The following DMXL2 variants were observed in gnomAD, a reference collection of about 807,000 sequenced individuals.
The protein encoded by DMXL2 is Dmx like 2.
Under a neutral mutation model 331.1 loss-of-function variants are expected in DMXL2, and 103 were observed. The ratio of observed to expected loss-of-function variants is 0.31; its 90% CI spans 0.27 to 0.37. The LOEUF is 0.37. Ranked by LOEUF, DMXL2 falls within the 10% of genes least tolerant of loss-of-function variation. The probability of loss-of-function intolerance (pLI) is 1.00; values close to 1 mark genes in which losing one functional copy is unlikely to be tolerated. For synonymous variants in DMXL2, 1,281 were observed against 1,252.1 expected, an observed-to-expected ratio of 1.02 and a Z score of -0.49; for missense variants, 3,171 against 3,642.9, an observed-to-expected ratio of 0.87 and a Z score of 3.33.
chr15:51,596,166 A>G (rs2052787133), intron 1 of DMXL2, among the ~76,000 whole-genome samples: 1 of 152,168 alleles, frequency 6.6e-6, no homozygotes, highest in South Asian at 2.1e-4. Flanking sequence ...TTCGCAAACT[A>G]CTCATCTGAC....
chr15:51,602,594 T>A (rs773334002), intron 1 of DMXL2, among the ~76,000 whole-genome samples: 2 of 152,126 alleles, frequency 1.3e-5, no homozygotes, highest in Non-Finnish European at 2.9e-5. Flanking sequence ...ACTCCCGGGC[T>A]CATCCCCAGG....
At chr15:51,612,667 G>A (rs1462724153) in intron 1 of DMXL2, among the ~76,000 whole-genome samples, 2 of 152,178 alleles carry the variant, frequency 1.3e-5, no homozygotes, top group Non-Finnish European at 2.9e-5. Flanking sequence ...ACAAATGGAG[G>A]CAGGGCAAGA....
At chr15:51,496,895 A>C (rs1363877637) in intron 18 of DMXL2, among the ~76,000 whole-genome samples, 1 of 152,218 alleles carries the variant, frequency 6.6e-6, no homozygotes, top group African/African-American at 2.4e-5. Context: ...TCTGAGCTTC[A>C]GTTTCCCACC....
chr15:51,540,409 G>A (rs1315159766), intron 9 of DMXL2, among the ~76,000 whole-genome samples: 1 of 152,064 alleles, frequency 6.6e-6, no homozygotes, highest in Non-Finnish European at 1.5e-5. Flanking sequence ...TTTAGGTAAT[G>A]GAAAATATTT....
intron 36 of DMXL2, chr15:51,457,756 T>C (rs1296440729): frequency 6.8e-6 from 2 of 295,376 alleles, no homozygotes; most frequent in Non-Finnish European, 1.3e-5. Context: ...TCTCTTCAAG[T>C]ACAGATAGCT....
In DMXL2 at chr15:51,479,830, C is replaced by G. The variant is rs567674964; in HGVS notation, c.6756+118G>C. 4 of 684,416 alleles carry G rather than the reference C, an allele frequency of 5.8e-6. No individual in the cohort carries two copies. The South Asian group carries it at 1.7e-4, about 30-fold the overall frequency. 42.4% of individuals were successfully genotyped at this position (684,416 alleles called of 1,614,324 possible). ...ATTGGACTAATAGTCTTGAACTGATCATGAGTGAGAAAGGTAGCACTTTGA... is the reference window on the plus strand; with the variant it reads ...ATTGGACTAATAGTCTTGAACTGATGATGAGTGAGAAAGGTAGCACTTTGA... On this transcript the variant is annotated intron_variant, in intron 25 of 43. Transcript: ENST00000560891.
At chr15:51,592,519 C>G (rs933180929) in intron 1 of DMXL2, among the ~76,000 whole-genome samples, 14 of 152,146 alleles carry the variant, frequency 9.2e-5, no homozygotes, top group African/African-American at 3.4e-4. Context: ...GAGAACTTCC[C>G]CAATCCAGCA....
rs549818488 is a variant in DMXL2 at position 51,464,751 on chromosome 15, T to G, written c.7732A>C (p.Thr2578Pro). The change falls in exon 32 of 44, where the codon ACT becomes CCT. Residue 2578 changes from threonine to proline, a missense_variant. Transcript: ENST00000560891. ...PPPNYINTYP[T>P]DLSVGAGPAI... Reference sequence around the variant, plus strand: ...GGTCCAGCTCCCACTGAAAGGTCAGTTGGATATGTGTTGATATAGTTAGGG... The same window carrying G: ...GGTCCAGCTCCCACTGAAAGGTCAGGTGGATATGTGTTGATATAGTTAGGG... 1.9e-6 allele frequency: 3 copies of G among 1,614,156 alleles called. No individual in the cohort carries two copies. In the East Asian group the frequency reaches 6.7e-5, roughly 36 times the overall value.
chr15:51,548,596 G>C (rs1424570786), intron 6 of DMXL2, among the ~76,000 whole-genome samples: 1 of 151,930 alleles, frequency 6.6e-6, no homozygotes, highest in Admixed American at 6.6e-5. Flanking sequence ...AGGTACCCGA[G>C]AGCCCCTCAA....
At position 51,606,812 on chromosome 15, in the gene DMXL2, T is replaced by A. The variant is rs80162287; in HGVS notation, c.87+15647A>T. ...ATTAGACATGGCTGAATATAGGATT[T>A]GCAAATTGATTAGAAAAAAACATCT... On this transcript the variant is annotated intron_variant, in intron 1 of 43. Transcript: ENST00000560891. Among the ~76,000 whole-genome samples, 624 of 152,298 alleles carry A rather than the reference T, an allele frequency of 4.1e-3. 38 individuals are homozygous for A. The East Asian group carries it at 0.11, about 27-fold the overall frequency.
chr15:51,523,146 G>A (rs911687308), intron 13 of DMXL2, among the ~76,000 whole-genome samples: 2 of 152,166 alleles, frequency 1.3e-5, no homozygotes, highest in African/African-American at 4.8e-5. Context: ...ACAAATTCTT[G>A]CTACATTTTG....
chr15:51,560,673 A>C (rs2049905617), intron 6 of DMXL2, among the ~76,000 whole-genome samples: 1 of 151,234 alleles, frequency 6.6e-6, no homozygotes, highest in African/African-American at 2.4e-5. Context: ...AGTCTCAAAA[A>C]AAAAAAAAAG....
Position 51,499,598 on chromosome 15 carries a change from T to A in DMXL2, c.3626A>T (p.Asp1209Val). 1 of 1,614,152 alleles carries A rather than the reference T, an allele frequency of 6.2e-7. No individual in the cohort carries two copies. The highest frequency in any genetic ancestry group is 1.1e-5 in the South Asian group (1 of 91,076). Residue 1209 changes from aspartate to valine, a missense_variant, in exon 18 of 44, where the codon GAT becomes GTT. Asp to Val is a radical substitution (Grantham distance 152). This residue lies in a region of DMXL2 where 1,674 missense variants were observed against 1,780.2 expected (regional missense o/e 0.94). Transcript: ENST00000560891. ...TGGTAAAGTGATGACAGCTACTCCA[T>A]CCTTACTGTTGGTTTGCTCAGTCAC... ...GIVTEQTNSKDGVAVITLPLG... is the reference protein window; with the variant it reads ...GIVTEQTNSKVGVAVITLPLG...
chr15:51,622,513 G>A lies in DMXL2; in HGVS notation c.33C>T (p.Val11=), dbSNP rs887564303. 2 of 1,567,678 alleles carry A rather than the reference G, an allele frequency of 1.3e-6. No individual in the cohort carries two copies. The highest frequency in any genetic ancestry group is 1.7e-6 in the Non-Finnish European group (2 of 1,155,890). Residue 11 remains valine (V), a synonymous_variant, in exon 1 of 44, where the codon GTC becomes GTT. Coordinates refer to ENST00000560891, the MANE Select transcript of DMXL2 (RefSeq NM_001378457.1). ...CGGAGTAGCAGTTGTCTCCAGGGTT[G>A]ACAGCTCCGGTGAGGACCTGATGCA... MHLHQVLTGA[V]NPGDNCYSVG...
chr15:51,517,519 A>G (rs141020698), intron 13 of DMXL2, among the ~76,000 whole-genome samples: 25 of 152,370 alleles, frequency 1.6e-4, no homozygotes, highest in African/African-American at 5.0e-4. Flanking sequence ...TGCCAGACCG[A>G]AGGTAAGGGC....
chr15:51,469,469 G>GA (rs932058295), intron 29 of DMXL2, among the ~76,000 whole-genome samples: 4 of 151,598 alleles, frequency 2.6e-5, no homozygotes, highest in Non-Finnish European at 4.4e-5. Context: ...AATGTTAACA[G>GA]AAAAAAAACT....
At chr15:51,483,234 C>T (rs977881139) in intron 23 of DMXL2, among the ~76,000 whole-genome samples, 9 of 152,122 alleles carry the variant, frequency 5.9e-5, no homozygotes, top group Non-Finnish European at 8.8e-5. Context: ...CTCCACCTAC[C>T]GCCAGTGAGC....
At chr15:51,503,119 G>C in intron 16 of DMXL2, 86 bp from the exon 17 acceptor site, 1 of 951,902 alleles carries the variant, frequency 1.1e-6, no homozygotes, top group Non-Finnish European at 1.5e-6. Context: ...TATTATTTAA[G>C]AAACATAGCT....
In DMXL2 at chr15:51,481,406, T is replaced by C; in HGVS notation, c.5700A>G (p.Leu1900=). 1 of 1,612,348 alleles carries C rather than the reference T, an allele frequency of 6.2e-7. No individual in the cohort carries two copies. The change falls in exon 24 of 44, where the codon TTA becomes TTG. Residue 1900 remains leucine, a synonymous_variant. Coordinates refer to ENST00000560891, the MANE Select transcript of DMXL2 (RefSeq NM_001378457.1). ...NAHFKVGCPV[L]ALEVLSKIPK... Reference sequence around the variant, plus strand: ...GAATTTTGGAGAGTACCTCCAAGGCTAAAACAGGGCATCCAACTTTAAAAT... The same window carrying C: ...GAATTTTGGAGAGTACCTCCAAGGCCAAAACAGGGCATCCAACTTTAAAAT...
Sources: gnomAD v4.1 joint callset for allele counts (sites outside exome capture counted in the v4.1 genomes callset) on GRCh38, gnomAD v4.1.1 for gene constraint, gnomAD v4.1.1 regional missense constraint, MANE v1.5 for transcripts, NCBI Gene and HGNC (gene_info 2026-07-23, HGNC 2026-07-21) for gene names.